MRPL15: variants seen among roughly 807,000 people sequenced by gnomAD.
MRPL15 encodes the protein mitochondrial ribosomal protein L15.
MRPL15 carries 24 observed loss-of-function variants against 28.0 expected under a neutral mutation model. That is an observed-to-expected ratio of 0.86 (90% CI 0.62 to 1.21). The LOEUF (loss-of-function observed/expected upper bound fraction) is 1.21. MRPL15 is among the 50% of genes most tolerant of loss of function. MRPL15 has a pLI of 0.00. For synonymous variants in MRPL15, 124 were observed against 137.0 expected (o/e 0.90, Z 0.66); for missense variants, 343 against 372.4 (o/e 0.92, Z 0.65).
intron 3 of MRPL15, among the ~76,000 whole-genome samples, chr8:54,139,875 G>GC (rs974995239): frequency 6.6e-6 from 1 of 152,106 alleles, no homozygotes; most frequent in Admixed American, 6.6e-5. Context: ...TGACACCAAT[G>GC]CCCCCAAATA....
intron 1 of MRPL15, among the ~76,000 whole-genome samples, chr8:54,135,881 G>A (rs1394371989): frequency 1.3e-5 from 2 of 152,194 alleles, no homozygotes; most frequent in African/African-American, 4.8e-5. Flanking sequence ...CGGAGAAGCC[G>A]ACTCGCTGAA....
In MRPL15 at chr8:54,148,316, A is replaced by G. The variant is rs1376218619; in HGVS notation, c.*597A>G. On this transcript the variant is annotated 3_prime_UTR_variant, in exon 5 of 5. Transcript: ENST00000260102. ...GAATTTATTTTCTCAATTCTGTGGTAGAAGTGTTACAGGCAGGCCTTTGTT... is the reference window on the plus strand; with the variant it reads ...GAATTTATTTTCTCAATTCTGTGGTGGAAGTGTTACAGGCAGGCCTTTGTT... Among the ~76,000 whole-genome samples, 1 of 152,246 alleles carries G rather than the reference A, an allele frequency of 6.6e-6. No homozygotes were observed. The highest frequency in any genetic ancestry group is 1.5e-5 in the Non-Finnish European group (1 of 68,048).
At chr8:54,138,299 ATCTTTTTTT>A (rs1810863964) in intron 3 of MRPL15, among the ~76,000 whole-genome samples, 1 of 69,156 alleles carries the variant, frequency 1.4e-5, no homozygotes, top group South Asian at 6.2e-4. Context: ...TATCAGGAAG[ATCTTTTTTT>A]TTTTTTTTTT....
chr8:54,146,328 TC>T (rs1267425431), intron 4 of MRPL15, among the ~76,000 whole-genome samples: 3 of 151,942 alleles, frequency 2.0e-5, no homozygotes, highest in African/African-American at 7.3e-5. Flanking sequence ...ATGCCTGTAA[TC>T]CCAGCTACTT....
At chr8:54,139,262 G>T (rs1563716864) in intron 3 of MRPL15, among the ~76,000 whole-genome samples, 1 of 152,148 alleles carries the variant, frequency 6.6e-6, no homozygotes, top group Non-Finnish European at 1.5e-5. Flanking sequence ...GCCTCCCAAA[G>T]TGCTGGGATT....
intron 3 of MRPL15, among the ~76,000 whole-genome samples, chr8:54,141,463 T>C (rs980489795): frequency 2.0e-5 from 3 of 152,122 alleles, no homozygotes; most frequent in African/African-American, 7.2e-5. Context: ...GCTTAGTAGG[T>C]GTACATAAAA....
intron 4 of MRPL15, among the ~76,000 whole-genome samples, chr8:54,143,176 G>C (rs1326203279): frequency 6.6e-6 from 1 of 152,002 alleles, no homozygotes; most frequent in Non-Finnish European, 1.5e-5. Flanking sequence ...TGCCTCCCAG[G>C]TTCAAGCGAT....
At position 54,147,603 on chromosome 8, in the gene MRPL15, A is replaced by G. The variant is rs1481386271; in HGVS notation, c.775A>G (p.Arg259Gly). The change falls in exon 5 of 5, where the codon AGG becomes GGG. Residue 259 changes from arginine to glycine, a missense_variant. Transcript: ENST00000260102. ...TGAACTCTTCAAAATGCTCTGTACTAGGAAGGATCCAAGGCAGATTTTCTT... is the reference window on the plus strand; with the variant it reads ...TGAACTCTTCAAAATGCTCTGTACTGGGAAGGATCCAAGGCAGATTTTCTT... The part of the protein sequence containing the change: ...KDELFKMLCT[R>G]KDPRQIFFGL... 6.2e-7 allele frequency: 1 copy of G among 1,614,068 alleles called. No homozygotes were observed. Among genetic ancestry groups the G allele is most frequent in the East Asian group, 2.2e-5 (1 of 44,896 alleles).
At position 54,143,141 on chromosome 8, in the gene MRPL15, C is replaced by T. The variant is rs144740336; in HGVS notation, c.553+355C>T. 2.3e-3 allele frequency among the ~76,000 whole-genome samples: 349 copies of T among 151,980 alleles called. 1 individual carries two copies. The highest frequency in any genetic ancestry group is 3.9e-3 in the Non-Finnish European group (263 of 67,966). On this transcript the variant is annotated intron_variant, in intron 4 of 4. Transcript: ENST00000260102. Reference sequence around the variant, plus strand: ...TGTTGCCCAGGCTGGAGTGCAGTGGCGCAATCTCTGCTCACTGCAACTTCT... The same window carrying T: ...TGTTGCCCAGGCTGGAGTGCAGTGGTGCAATCTCTGCTCACTGCAACTTCT...
At position 54,142,910 on chromosome 8, in the gene MRPL15, C is replaced by T. The variant is rs545491246; in HGVS notation, c.553+124C>T. 43 of 1,283,926 alleles carry T rather than the reference C, an allele frequency of 3.3e-5. No homozygotes were observed. In the African/African-American group the frequency reaches 4.8e-4, roughly 14 times the overall value. 79.5% of individuals were successfully genotyped at this position (1,283,926 alleles called of 1,614,324 possible). A position where few individuals can be genotyped will look rare whatever the true frequency, so the allele number is the denominator to read the frequency against. On this transcript the variant is annotated intron_variant, in intron 4 of 4. Coordinates refer to ENST00000260102, the MANE Select transcript of MRPL15 (RefSeq NM_014175.4). ...TGGATGTAGTATTGATCTACATCTA[C>T]CATATGGATTATTATGATTTAAAGA...
intron 3 of MRPL15, among the ~76,000 whole-genome samples, chr8:54,139,352 G>C (rs1443057105): frequency 6.6e-6 from 1 of 152,146 alleles, no homozygotes; most frequent in African/African-American, 2.4e-5. Context: ...AGTTGTATAA[G>C]TAAGTTAGTG....
chr8:54,137,472 A>T (rs748194095), intron 3 of MRPL15, 39 bp downstream of exon 3: 1 of 1,352,294 alleles, frequency 7.4e-7, no homozygotes, highest in Non-Finnish European at 1.0e-6. Flanking sequence ...ATATAGGAGG[A>T]TTTTTTTTTT....
intron 4 of MRPL15, among the ~76,000 whole-genome samples, chr8:54,146,955 A>C (rs1563721726): frequency 1.3e-5 from 2 of 152,174 alleles, no homozygotes; most frequent in African/African-American, 4.8e-5. Context: ...TTCCAGATAC[A>C]GGTATGGTTG....
intron 3 of MRPL15, among the ~76,000 whole-genome samples, chr8:54,138,130 A>G (rs956049517): frequency 1.1e-4 from 17 of 150,658 alleles, no homozygotes; most frequent in African/African-American, 4.2e-4. Flanking sequence ...AATTTTTTAT[A>G]TTTTTAGTAG....
chr8:54,145,702 C>T (rs748055324), intron 4 of MRPL15, among the ~76,000 whole-genome samples: 1 of 152,094 alleles, frequency 6.6e-6, no homozygotes, highest in Non-Finnish European at 1.5e-5. Flanking sequence ...TCTTGAACTC[C>T]TGCGCTCAAG....
intron 3 of MRPL15, among the ~76,000 whole-genome samples, chr8:54,140,356 G>A (rs890714215): frequency 1.3e-5 from 2 of 151,322 alleles, no homozygotes; most frequent in African/African-American, 4.9e-5. Flanking sequence ...CTCCACCTTG[G>A]GTTTAAGCCA....
rs368722375 is a variant in MRPL15 at position 54,142,990 on chromosome 8, C to G, written c.553+204C>G. On this transcript the variant is annotated intron_variant, in intron 4 of 4. Transcript: ENST00000260102. ...GGGCAAAAAAGGCTCTCAGCCCCTC[C>G]CCTGAACTGTAGACCTGCATCTGCC... Among the ~76,000 whole-genome samples the G allele has an allele frequency of 7.0e-4, 106 of 152,290 alleles. 1 individual carries two copies. In the South Asian group the frequency reaches 0.021, roughly 30 times the overall value.
intron 4 of MRPL15, among the ~76,000 whole-genome samples, chr8:54,144,440 C>G (rs1811008141): frequency 6.6e-6 from 1 of 152,002 alleles, no homozygotes; most frequent in African/African-American, 2.4e-5. Flanking sequence ...CAAATAACTA[C>G]CATTTCCTTT....
chr8:54,142,519 G>A, intron 3 of MRPL15, 144 bp from the exon 4 acceptor site: 1 of 912,904 alleles, frequency 1.1e-6, no homozygotes, highest in Admixed American at 3.1e-5. Flanking sequence ...TCACAGATGT[G>A]GAACCCACAG....
Sources: allele counts gnomAD v4.1 joint callset (sites outside exome capture counted in the v4.1 genomes callset), GRCh38; gene constraint gnomAD v4.1.1; transcripts MANE v1.5; gene names NCBI Gene and HGNC (gene_info 2026-07-23, HGNC 2026-07-21).